AHRR: variants seen among roughly 807,000 people sequenced by gnomAD.
AHRR encodes the protein ahR repressor.
In AHRR, 28 loss-of-function variants were observed where a neutral mutation model predicts 44.0. That is an observed-to-expected ratio of 0.64 (90% CI 0.47 to 0.87). The LOEUF (loss-of-function observed/expected upper bound fraction) is 0.87. Ranked by LOEUF, AHRR falls within the 40% of genes least tolerant of loss-of-function variation. The pLI, the probability that AHRR is intolerant of heterozygous loss-of-function variation, is 0.00. For synonymous variants in AHRR, 434 were observed against 407.0 expected (o/e 1.07, Z -0.80); for missense variants, 990 against 953.9 (o/e 1.04, Z -0.50).
chr5:396,510 C>T (rs1003819890), intron 4 of AHRR, among the ~76,000 whole-genome samples: 3 of 152,188 alleles, frequency 2.0e-5, no homozygotes, highest in Non-Finnish European at 4.4e-5. Context: ...TCCCACAAGC[C>T]CCACAGAACA....
chr5:375,740 C>T (rs1016806350), intron 3 of AHRR, among the ~76,000 whole-genome samples: 1 of 152,136 alleles, frequency 6.6e-6, no homozygotes, highest in Non-Finnish European at 1.5e-5. Flanking sequence ...GCTGGGACAC[C>T]CTTGCCCCTC....
chr5:390,559 A>G (rs1259644181), intron 4 of AHRR, among the ~76,000 whole-genome samples: 3 of 152,194 alleles, frequency 2.0e-5, no homozygotes, highest in Non-Finnish European at 4.4e-5. Flanking sequence ...CCATGAGTAA[A>G]GGAAAAAGAG....
chr5:425,474 C>T (rs537004949), intron 7 of AHRR, among the ~76,000 whole-genome samples: 171 of 152,310 alleles, frequency 1.1e-3, no homozygotes, highest in African/African-American at 3.9e-3. Flanking sequence ...CCTGCCACCA[C>T]GCCCGGCTAA....
chr5:377,005 C>G (rs1733738798), intron 4 of AHRR, among the ~76,000 whole-genome samples: 1 of 152,164 alleles, frequency 6.6e-6, no homozygotes, highest in South Asian at 2.1e-4. Context: ...CATTCTGCAC[C>G]GTCTGCTTTT....
rs192873358 is a variant in AHRR at position 418,778 on chromosome 5, A to T, written c.442-3951A>T. ...AACTGGAGAGAGAGAGCTCCAGAAGATGCAGGGCCTCATGATCTGGCGCAG... is the reference window on the plus strand; with the variant it reads ...AACTGGAGAGAGAGAGCTCCAGAAGTTGCAGGGCCTCATGATCTGGCGCAG... On this transcript the variant is annotated intron_variant, in intron 5 of 10. Coordinates refer to ENST00000684583, the MANE Select transcript of AHRR (RefSeq NM_001377236.1). The T allele has an allele frequency of 5.9e-5, 9 of 152,542 alleles. No homozygotes were observed. The East Asian group carries it at 1.7e-3, about 29-fold the overall frequency. 9.4% of individuals were successfully genotyped at this position (152,542 alleles called of 1,614,324 possible). A position where few individuals can be genotyped will look rare whatever the true frequency, so the allele number is the denominator to read the frequency against.
In AHRR at chr5:354,308, C is replaced by T. The variant is rs147123305; in HGVS notation, c.244+397C>T. The stretch of plus-strand genomic sequence containing the variant: ...ACCCCGGCTCCAGGGAATGAGGGAT[C>T]GGCTTTGTGGATGAGCAGGGCTGGG... On this transcript the variant is annotated intron_variant, in intron 3 of 10. Coordinates refer to ENST00000684583, the MANE Select transcript of AHRR (RefSeq NM_001377236.1). Among the ~76,000 whole-genome samples, 364 of 152,332 alleles carry T rather than the reference C, an allele frequency of 2.4e-3. 3 individuals are homozygous for T. Among genetic ancestry groups the T allele is most frequent in the Non-Finnish European group, 3.8e-3 (258 of 68,016 alleles).
chr5:393,945 T>G (rs1734585060), intron 4 of AHRR, among the ~76,000 whole-genome samples: 1 of 152,216 alleles, frequency 6.6e-6, no homozygotes, highest in Non-Finnish European at 1.5e-5. Flanking sequence ...GTGTTTTCTT[T>G]CTGGTGGTCG....
At chr5:379,116 A>G (rs1010214141) in intron 4 of AHRR, among the ~76,000 whole-genome samples, 3 of 152,044 alleles carry the variant, frequency 2.0e-5, no homozygotes, top group African/African-American at 7.2e-5. Flanking sequence ...CTTTCTCTGG[A>G]TGTCTTCCAC....
intron 6 of AHRR, 108 bp from the exon 7 acceptor site, chr5:423,733 T>C (rs1736239660): frequency 7.1e-7 from 1 of 1,398,632 alleles, no homozygotes; most frequent in African/African-American, 1.4e-5. Context: ...GGCACAGTGA[T>C]AGGGTTTACA....
At chr5:360,685 G>A (rs1400485816) in intron 3 of AHRR, among the ~76,000 whole-genome samples, 1 of 152,224 alleles carries the variant, frequency 6.6e-6, no homozygotes, top group Non-Finnish European at 1.5e-5. Flanking sequence ...GGTGAGGAAT[G>A]TGCCCGTGGA....
At chr5:431,175 C>G (rs112439690) in intron 8 of AHRR, among the ~76,000 whole-genome samples, 14 of 152,346 alleles carry the variant, frequency 9.2e-5, no homozygotes, top group Middle Eastern at 3.4e-3. Context: ...TGTGTGCGCA[C>G]AGCCCTGTCC....
chr5:408,594 T>C (rs1335849724), intron 4 of AHRR, among the ~76,000 whole-genome samples: 1 of 152,230 alleles, frequency 6.6e-6, no homozygotes, highest in Non-Finnish European at 1.5e-5. Context: ...TCTTAATATT[T>C]CATTTAGCAC....
rs965070378 is a variant in AHRR at position 437,378 on chromosome 5, C to T, written c.*2544C>T. 2 of 152,376 alleles carry T rather than the reference C, an allele frequency of 1.3e-5. No homozygotes were observed. Among genetic ancestry groups the T allele is most frequent in the Non-Finnish European group, 2.9e-5 (2 of 68,082 alleles). The allele number at this position is 152,376 out of a possible 1,614,324, so 9.4% of individuals were successfully genotyped here. On this transcript the variant is annotated 3_prime_UTR_variant, in exon 11 of 11. Coordinates refer to ENST00000684583, the MANE Select transcript of AHRR (RefSeq NM_001377236.1). ...GCAGCTGCTCTTCCAGTCTCGGGGC[C>T]GAGGAGGGCAGGGAGCTCAGTGACT...
In AHRR at chr5:395,467, C is replaced by T. The variant is rs1005113840; in HGVS notation, c.352-17877C>T. ...TTCCCTGAAACAGAGCTTCTCAGCT[C>T]CAGGACTGGACAGGCAGCTTCCCAG... On this transcript the variant is annotated intron_variant, in intron 4 of 10. Coordinates refer to ENST00000684583, the MANE Select transcript of AHRR (RefSeq NM_001377236.1). The surrounding 1 kb of genome is among the most constrained non-coding windows in gnomAD (Gnocchi z 5.3). Among the ~76,000 whole-genome samples, 1 of 152,226 alleles carries T rather than the reference C, an allele frequency of 6.6e-6. No homozygotes were observed. Among genetic ancestry groups the T allele is most frequent in the African/African-American group, 2.4e-5 (1 of 41,464 alleles).
chr5:379,789 T>C (rs1179024399), intron 4 of AHRR, among the ~76,000 whole-genome samples: 1 of 152,240 alleles, frequency 6.6e-6, no homozygotes, highest in African/African-American at 2.4e-5. Context: ...CTGTGGCTTG[T>C]CTTTTTATTC....
chr5:426,970 G>A (rs1736438813), intron 7 of AHRR, among the ~76,000 whole-genome samples: 1 of 144,880 alleles, frequency 6.9e-6, no homozygotes, highest in Non-Finnish European at 1.5e-5. Flanking sequence ...ATGGAAACAT[G>A]GATGGATGGA....
chr5:415,733 G>GAATCTCCC (rs1735774802), intron 5 of AHRR, among the ~76,000 whole-genome samples: 3 of 152,124 alleles, frequency 2.0e-5, no homozygotes, highest in Non-Finnish European at 2.9e-5. Context: ...CCTAGGGGCT[G>GAATCTCCC]TGCAGAGCAG....
At position 435,037 on chromosome 5, in the gene AHRR, A is replaced by C; in HGVS notation, c.*203A>C. The C allele has an allele frequency of 1.5e-6, 1 of 688,136 alleles. No homozygotes were observed. Among genetic ancestry groups the C allele is most frequent in the Non-Finnish European group, 2.3e-6 (1 of 429,192 alleles). 42.6% of individuals were successfully genotyped at this position (688,136 alleles called of 1,614,324 possible). ...TGTAAAATATCCCAACAGTTCTTAAATGAAAACTGGCCTTAAGTCTATTCA... is the reference window on the plus strand; with the variant it reads ...TGTAAAATATCCCAACAGTTCTTAACTGAAAACTGGCCTTAAGTCTATTCA... On this transcript the variant is annotated 3_prime_UTR_variant, in exon 11 of 11. Coordinates refer to ENST00000684583, the MANE Select transcript of AHRR (RefSeq NM_001377236.1).
chr5:376,560 G>GAATGAATGAGAACCGTGGGGTGAAGTC (rs1733704267), intron 3 of AHRR, 50 bp from the exon 4 acceptor site: 1 of 194,002 alleles, frequency 5.2e-6, no homozygotes. Context: ...GAAGAAGAGT[G>GAATGAATGAGAACCGTGGGGTGAAGTC]GCCAGGCCAA....
Sources: allele counts gnomAD v4.1 joint callset (sites outside exome capture counted in the v4.1 genomes callset), GRCh38; gene constraint gnomAD v4.1.1; non-coding constraint Gnocchi (gnomAD v3.1); transcripts MANE v1.5; gene names NCBI Gene and HGNC (gene_info 2026-07-23, HGNC 2026-07-21).